SPI1: variants seen among roughly 807,000 people sequenced by gnomAD.
SPI1 encodes the protein transcription factor PU.1.
Under a neutral mutation model 30.7 loss-of-function variants are expected in SPI1, and 3 were observed. That is an observed-to-expected ratio of 0.10 (90% CI 0.04 to 0.25). SPI1 has a LOEUF of 0.25. Ranked by LOEUF, SPI1 falls within the 10% of genes least tolerant of loss-of-function variation. SPI1 has a pLI of 1.00. For missense variants in SPI1, 261 were observed against 371.5 expected (o/e 0.70, Z 2.45); for synonymous variants, 169 against 157.1 (o/e 1.08, Z -0.56).
At chr11:47,355,578 C>T (rs1241668138) in intron 4 of SPI1, 32 bp from the exon 5 acceptor site, 2 of 1,529,406 alleles carry the variant, frequency 1.3e-6, no homozygotes, top group Non-Finnish European at 1.8e-6. Context: ...GGGAGGGGGC[C>T]CGGGGCCCAC....
rs1490407302 is a variant in SPI1, at chr11:47,355,179, G to A, written c.*48C>T. On this transcript the variant is annotated 3_prime_UTR_variant, in exon 5 of 5. Coordinates refer to ENST00000378538, the MANE Select transcript of SPI1 (RefSeq NM_003120.3). ...TGTCCGGGCCGGGCGAGGGCTTAAT[G>A]CTATGGCCAGCGGGGAGGCCTGGCG... 8 of 1,288,048 alleles carry A rather than the reference G, an allele frequency of 6.2e-6. No homozygotes were observed. In the South Asian group the frequency reaches 6.5e-5, roughly 11 times the overall value. 79.8% of individuals were successfully genotyped at this position (1,288,048 alleles called of 1,614,324 possible). A position where few individuals can be genotyped will look rare whatever the true frequency, so the allele number is the denominator to read the frequency against.
intron 2 of SPI1, among the ~76,000 whole-genome samples, chr11:47,372,504 CAG>C (rs1369622327): frequency 2.6e-5 from 4 of 152,062 alleles, no homozygotes; most frequent in Non-Finnish European, 5.9e-5. Flanking sequence ...GTCTGATACT[CAG>C]AAACTATTTA....
chr11:47,359,123 C>T lies in SPI1; in HGVS notation c.331-117G>A. The T allele has an allele frequency of 2.4e-6, 2 of 844,276 alleles. No homozygotes were observed. Among genetic ancestry groups the T allele is most frequent in the South Asian group, 1.9e-5 (1 of 51,506 alleles). The allele number at this position is 844,276 out of a possible 1,614,324, so 52.3% of individuals were successfully genotyped here. A position where few individuals can be genotyped will look rare whatever the true frequency, so the allele number is the denominator to read the frequency against. On this transcript the variant is annotated intron_variant, in intron 3 of 4. Coordinates refer to ENST00000378538, the MANE Select transcript of SPI1 (RefSeq NM_003120.3). This position sits in a 1 kb window ranked among gnomAD's most constrained non-coding sequence, Gnocchi z 5.1. ...GCAGAGGGCAGGGGACAATGGCAGG[C>T]ACAGGAGACTGGAGGAAGAAGACCA...
chr11:47,364,896 T>C (rs1227170354), intron 2 of SPI1, among the ~76,000 whole-genome samples: 1 of 151,938 alleles, frequency 6.6e-6, no homozygotes, highest in Non-Finnish European at 1.5e-5. Flanking sequence ...CCCAAGGAGG[T>C]TTTGTGCTCA....
Position 47,358,785 on chromosome 11 carries a change from G to C in SPI1, c.493+59C>G, listed in dbSNP as rs368758440. ...GCTGGGTCAGTTGGCCTGGCTGGGT[G>C]GGGGCAGGGCACAGACACGGCCAGG... On this transcript the variant is annotated intron_variant, in intron 4 of 4. Transcript: ENST00000378538. 1,712 of 1,516,422 alleles carry C rather than the reference G, an allele frequency of 1.1e-3. 40 individuals are homozygous for C. In the South Asian group the frequency reaches 0.019, roughly 17 times the overall value. 93.9% of individuals were successfully genotyped at this position (1,516,422 alleles called of 1,614,324 possible).
chr11:47,371,582 G>C (rs550976851), intron 2 of SPI1, among the ~76,000 whole-genome samples: 1 of 148,568 alleles, frequency 6.7e-6, no homozygotes, highest in African/African-American at 2.5e-5. Context: ...TAGGAGAATC[G>C]CTTGAACCTG....
chr11:47,378,493 C>T lies in SPI1; in HGVS notation c.-140G>A, dbSNP rs1340674153. Reference sequence around the variant, plus strand: ...AGGCCTGCCCCCTGAGCTACAGGAGCCCTGGGTGAGCCCCCTCCCTTGACA... The same window carrying T: ...AGGCCTGCCCCCTGAGCTACAGGAGTCCTGGGTGAGCCCCCTCCCTTGACA... On this transcript the variant is annotated 5_prime_UTR_variant, in exon 1 of 5. Coordinates refer to ENST00000378538, the MANE Select transcript of SPI1 (RefSeq NM_003120.3). 31 of 840,308 alleles carry T rather than the reference C, an allele frequency of 3.7e-5. No homozygotes were observed. The highest frequency in any genetic ancestry group is 1.9e-6 in the Non-Finnish European group (1 of 532,208). The allele number at this position is 840,308 out of a possible 1,614,324, so 52.1% of individuals were successfully genotyped here. A position where few individuals can be genotyped will look rare whatever the true frequency, so the allele number is the denominator to read the frequency against.
At chr11:47,357,509 C>T in intron 4 of SPI1, among the ~76,000 whole-genome samples, 2 of 142,388 alleles carry the variant, frequency 1.4e-5, no homozygotes, top group Non-Finnish European at 3.1e-5. Context: ...CACATCCACT[C>T]ACAGCAGCTC....
At chr11:47,356,640 C>T (rs2095910154) in intron 4 of SPI1, among the ~76,000 whole-genome samples, 1 of 151,954 alleles carries the variant, frequency 6.6e-6, no homozygotes, top group Non-Finnish European at 1.5e-5. Context: ...TGCACAAACA[C>T]ACCTGCTTAC....
At position 47,371,531 on chromosome 11, in the gene SPI1, G is replaced by A. The variant is rs532324181; in HGVS notation, c.142+4102C>T. Among the ~76,000 whole-genome samples, 9 of 149,472 alleles carry A rather than the reference G, an allele frequency of 6.0e-5. No individual in the cohort carries two copies. The East Asian group carries it at 1.6e-3, about 27-fold the overall frequency. ...AAAAATACAACATTAGCTGGGCATG[G>A]TGGTGCACACCTGTAATCCCAGCTA... is the stretch of plus-strand genomic sequence containing the variant. On this transcript the variant is annotated intron_variant, in intron 2 of 4. Transcript: ENST00000378538.
chr11:47,377,804 G>A (rs993641913), intron 1 of SPI1, among the ~76,000 whole-genome samples: 13 of 152,208 alleles, frequency 8.5e-5, no homozygotes, highest in African/African-American at 1.7e-4. Flanking sequence ...CAACAATCAT[G>A]TCCTCTGTGC....
rs964894007 is a variant in SPI1 at position 47,378,478 on chromosome 11, C to T, written c.-125G>A. ...GCGGGTGCAGGGCTCAGGCCTGCCC[C>T]CTGAGCTACAGGAGCCCTGGGTGAG... On this transcript the variant is annotated 5_prime_UTR_variant, in exon 1 of 5. Transcript: ENST00000378538. 1 of 1,021,950 alleles carries T rather than the reference C, an allele frequency of 9.8e-7. No individual in the cohort carries two copies. Among genetic ancestry groups the T allele is most frequent in the Non-Finnish European group, 1.5e-6 (1 of 684,852 alleles). 63.3% of individuals were successfully genotyped at this position (1,021,950 alleles called of 1,614,324 possible).
At chr11:47,376,925 T>G (rs942053399) in intron 1 of SPI1, among the ~76,000 whole-genome samples, 1 of 152,122 alleles carries the variant, frequency 6.6e-6, no homozygotes, top group Admixed American at 6.5e-5. Flanking sequence ...CTGCCACCCA[T>G]CTAGCTCCAC....
chr11:47,371,027 A>G (rs2095934963), intron 2 of SPI1, among the ~76,000 whole-genome samples: 1 of 152,138 alleles, frequency 6.6e-6, no homozygotes, highest in South Asian at 2.1e-4. Context: ...CTAAGTCTCT[A>G]TTCCACATCT....
At position 47,376,388 on chromosome 11, in the gene SPI1, C is replaced by T. The variant is rs542672905; in HGVS notation, c.46-659G>A. On this transcript the variant is annotated intron_variant, in intron 1 of 4. Transcript: ENST00000378538. ...GCCTGCCCAGCCCCACTCTCACAGC[C>T]TATGCCTCTCACACAGCCTGGGCAA... Among the ~76,000 whole-genome samples the T allele has an allele frequency of 2.0e-5, 3 of 152,270 alleles. No individual in the cohort carries two copies. The South Asian group carries it at 6.2e-4, about 32-fold the overall frequency.
chr11:47,356,853 CCTG>C (rs1283148801), intron 4 of SPI1, among the ~76,000 whole-genome samples: 1 of 151,504 alleles, frequency 6.6e-6, no homozygotes, highest in Non-Finnish European at 1.5e-5. Context: ...CACGCACACA[CCTG>C]CTCACACACA....
In SPI1 at chr11:47,359,435, A is replaced by T. The variant is rs2095917321; in HGVS notation, c.330+418T>A. ...GACCCTGGAGGTCAGTAGGGGTGGT[A>T]GAGGTCAGCAGAGGTCACTGATCCG... is the stretch of plus-strand genomic sequence containing the variant. On this transcript the variant is annotated intron_variant, in intron 3 of 4. Coordinates refer to ENST00000378538, the MANE Select transcript of SPI1 (RefSeq NM_003120.3). This position sits in a 1 kb window ranked among gnomAD's most constrained non-coding sequence, Gnocchi z 5.1. Among the ~76,000 whole-genome samples the T allele has an allele frequency of 6.6e-6, 1 of 152,026 alleles. No homozygotes were observed. The highest frequency in any genetic ancestry group is 2.4e-5 in the African/African-American group (1 of 41,382).
At chr11:47,378,275 C>A in intron 1 of SPI1, 34 bp downstream of exon 1, 1 of 1,610,234 alleles carries the variant, frequency 6.2e-7, no homozygotes, top group Non-Finnish European at 8.5e-7. Context: ...CCGAGGGCCA[C>A]GGGTTGGGCT....
chr11:47,357,491 TC>T (rs2095913184), intron 4 of SPI1, among the ~76,000 whole-genome samples: 1 of 151,276 alleles, frequency 6.6e-6, no homozygotes, highest in Non-Finnish European at 1.5e-5. Context: ...TCACACACAT[TC>T]TGCTCTCACA....
Sources: allele counts gnomAD v4.1 joint callset (sites outside exome capture counted in the v4.1 genomes callset), GRCh38; gene constraint gnomAD v4.1.1; non-coding constraint Gnocchi (gnomAD v3.1); transcripts MANE v1.5; gene names NCBI Gene and HGNC (gene_info 2026-07-23, HGNC 2026-07-21).